Variants in CDH12 observed in about 807,000 individuals in gnomAD.
CDH12 encodes the protein cadherin 12.
A neutral mutation model predicts 74.1 loss-of-function variants in CDH12; 41 were observed. That is an observed-to-expected ratio of 0.55 (90% CI 0.43 to 0.72). CDH12 has a LOEUF of 0.72. CDH12 is among the 30% of genes least tolerant of loss of function. The pLI is 0.00. For missense variants in CDH12, 945 were observed against 977.2 expected (o/e 0.97, Z 0.44); for synonymous variants, 399 against 355.0 (o/e 1.12, Z -1.39).
chr5:22,117,484 ATATATTAT>A, intron 4 of CDH12, among the ~76,000 whole-genome samples: 1 of 47,956 alleles, frequency 2.1e-5, no homozygotes, highest in African/African-American at 8.3e-5. Flanking sequence ...TATATTATAT[ATATATTAT>A]ATATATATAA....
intron 11 of CDH12, among the ~76,000 whole-genome samples, chr5:21,775,954 T>A (rs1311458092): frequency 6.6e-6 from 1 of 152,126 alleles, no homozygotes; most frequent in Non-Finnish European, 1.5e-5. Context: ...CCCCACCTCC[T>A]GATATTCACA....
intron 5 of CDH12, among the ~76,000 whole-genome samples, chr5:22,059,082 AT>A (rs925706117): frequency 6.6e-6 from 1 of 152,142 alleles, no homozygotes; most frequent in Admixed American, 6.5e-5. Context: ...CTAAGGAAGA[AT>A]TTTTAGGAAT....
chr5:22,338,172 G>A (rs1739673470), intron 3 of CDH12, among the ~76,000 whole-genome samples: 1 of 152,124 alleles, frequency 6.6e-6, no homozygotes, highest in Non-Finnish European at 1.5e-5. Flanking sequence ...AAACCTAAGT[G>A]TCCATCTACA....
At chr5:22,838,231 AG>A (rs1001082973) in intron 1 of CDH12, among the ~76,000 whole-genome samples, 1 of 152,134 alleles carries the variant, frequency 6.6e-6, no homozygotes. Flanking sequence ...AGTTGTTCAA[AG>A]GGGGCAACAG....
At chr5:22,836,911 TG>T (rs1411274654) in intron 1 of CDH12, among the ~76,000 whole-genome samples, 1 of 152,166 alleles carries the variant, frequency 6.6e-6, no homozygotes, top group Non-Finnish European at 1.5e-5. Context: ...TTCATGCCAA[TG>T]GAACTATCAT....
chr5:22,148,201 A>G lies in CDH12; in HGVS notation c.-187+64297T>C, dbSNP rs1292858421. Among the ~76,000 whole-genome samples, 3 of 152,156 alleles carry G rather than the reference A, an allele frequency of 2.0e-5. No homozygotes were observed. In the South Asian group the frequency reaches 6.2e-4, roughly 32 times the overall value. On this transcript the variant is annotated intron_variant, in intron 4 of 14. Transcript: ENST00000382254. ...TTTGTTCTTTCTATGCCAACTTCATACACCTCTGAGTCTCATCCATATGTC... is the reference window on the plus strand; with the variant it reads ...TTTGTTCTTTCTATGCCAACTTCATGCACCTCTGAGTCTCATCCATATGTC...
intron 5 of CDH12, among the ~76,000 whole-genome samples, chr5:22,023,729 G>A (rs892864396): frequency 1.3e-5 from 2 of 151,960 alleles, no homozygotes; most frequent in African/African-American, 2.4e-5. Context: ...AACAAGCTTG[G>A]GTAACCTGAG....
rs185722633 is a variant in CDH12, at chr5:21,996,926, T to C, written c.232-21541A>G. On this transcript the variant is annotated intron_variant, in intron 5 of 14. Transcript: ENST00000382254. ...TATAACATGGAGTAAAATTAGTAGATAGAAGCGTCATTATCTGACTTGGGT... is the reference window on the plus strand; with the variant it reads ...TATAACATGGAGTAAAATTAGTAGACAGAAGCGTCATTATCTGACTTGGGT... Among the ~76,000 whole-genome samples, 26 of 152,164 alleles carry C rather than the reference T, an allele frequency of 1.7e-4. No homozygotes were observed. In the East Asian group the frequency reaches 5.0e-3, roughly 29 times the overall value.
At chr5:22,288,393 G>T (rs1315084757) in intron 3 of CDH12, among the ~76,000 whole-genome samples, 3 of 152,060 alleles carry the variant, frequency 2.0e-5, no homozygotes, top group Non-Finnish European at 2.9e-5. Context: ...TATACAGTTT[G>T]CCAGATGCTG....
chr5:22,304,123 A>T (rs1180876681), intron 3 of CDH12, among the ~76,000 whole-genome samples: 1 of 152,112 alleles, frequency 6.6e-6, no homozygotes, highest in Non-Finnish European at 1.5e-5. Flanking sequence ...GCTAATTTTT[A>T]AAATAATTTA....
chr5:22,268,899 T>A (rs1736256011), intron 3 of CDH12, among the ~76,000 whole-genome samples: 1 of 152,116 alleles, frequency 6.6e-6, no homozygotes, highest in Admixed American at 6.6e-5. Flanking sequence ...AAAAGTTCTA[T>A]GAGGAGTGAG....
chr5:22,072,375 A>T (rs1742001768), intron 5 of CDH12, among the ~76,000 whole-genome samples: 1 of 152,096 alleles, frequency 6.6e-6, no homozygotes, highest in Non-Finnish European at 1.5e-5. Flanking sequence ...CAGGGCTTAC[A>T]AAAACTTTTC....
chr5:22,299,745 T>C (rs1290880061), intron 3 of CDH12, among the ~76,000 whole-genome samples: 3 of 152,186 alleles, frequency 2.0e-5, no homozygotes, highest in African/African-American at 7.2e-5. Flanking sequence ...TAGTTGTATT[T>C]TACTTAATTA....
chr5:22,715,167 G>C (rs1405964015), intron 1 of CDH12, among the ~76,000 whole-genome samples: 9 of 151,948 alleles, frequency 5.9e-5, no homozygotes, highest in African/African-American at 2.2e-4. Context: ...AAGATCACAG[G>C]GTTATTTGGC....
In CDH12 at chr5:21,827,894, A is replaced by G. The variant is rs546111121; in HGVS notation, c.815-10762T>C. ...ATAATTTTTCATTGTTATATATTTC[A>G]TGAAGTACATTTAATATTCTCTTAA... On this transcript the variant is annotated intron_variant, in intron 8 of 14. Coordinates refer to ENST00000382254, the MANE Select transcript of CDH12 (RefSeq NM_004061.5). Among the ~76,000 whole-genome samples the G allele has an allele frequency of 1.2e-3, 188 of 152,278 alleles. 2 individuals carry two copies. Among genetic ancestry groups the G allele is most frequent in the African/African-American group, 4.3e-3 (180 of 41,562 alleles).
chr5:22,418,957 T>C (rs1201661390), intron 2 of CDH12, among the ~76,000 whole-genome samples: 1 of 152,146 alleles, frequency 6.6e-6, no homozygotes, highest in Non-Finnish European at 1.5e-5. Context: ...ACCTAGTTTA[T>C]TGAGAGTTTT....
chr5:22,574,635 T>A (rs967374668), intron 1 of CDH12, among the ~76,000 whole-genome samples: 1 of 152,170 alleles, frequency 6.6e-6, no homozygotes, highest in Non-Finnish European at 1.5e-5. Flanking sequence ...TTATATGTGT[T>A]CCCAGACTTT....
intron 5 of CDH12, among the ~76,000 whole-genome samples, chr5:22,052,160 A>C (rs1163182958): frequency 6.6e-6 from 1 of 152,166 alleles, no homozygotes; most frequent in Middle Eastern, 3.2e-3. Context: ...GTCCTGCACA[A>C]AGCCCAAGTT....
intron 5 of CDH12, among the ~76,000 whole-genome samples, chr5:22,042,132 A>G (rs1049745097): frequency 3.3e-5 from 5 of 152,168 alleles, no homozygotes; most frequent in Non-Finnish European, 5.9e-5. Flanking sequence ...CAATATACCA[A>G]AACTTACAGG....
Sources: gnomAD v4.1 joint callset for allele counts (sites outside exome capture counted in the v4.1 genomes callset) on GRCh38, gnomAD v4.1.1 for gene constraint, MANE v1.5 for transcripts, NCBI Gene and HGNC (gene_info 2026-07-23, HGNC 2026-07-21) for gene names.